Variants in MAPKBP1 observed in about 807,000 individuals in gnomAD.
MAPKBP1 encodes the protein mitogen-activated protein kinase-binding protein 1.
Under a neutral mutation model 170.5 loss-of-function variants are expected in MAPKBP1, and 71 were observed. That is an observed-to-expected ratio of 0.42 (90% CI 0.34 to 0.51). The LOEUF is 0.51. MAPKBP1 is among the 20% of genes least tolerant of loss of function. MAPKBP1 has a pLI of 0.06. For missense variants in MAPKBP1, 1,598 were observed against 1,933.0 expected (o/e 0.83, Z 3.25); for synonymous variants, 719 against 757.9 (o/e 0.95, Z 0.84).
intron 2 of MAPKBP1, among the ~76,000 whole-genome samples, chr15:41,790,889 C>A (rs752151926): frequency 2.0e-4 from 31 of 152,332 alleles, no homozygotes; most frequent in Non-Finnish European, 3.7e-4. Flanking sequence ...GGTCTGGTCA[C>A]TGGGTCCCTG....
At chr15:41,778,431 G>T (rs976541213) in intron 2 of MAPKBP1, among the ~76,000 whole-genome samples, 1 of 152,196 alleles carries the variant, frequency 6.6e-6, no homozygotes, top group Non-Finnish European at 1.5e-5. Flanking sequence ...TTAAAAATAT[G>T]GCTAAAAGCT....
Position 41,775,376 on chromosome 15 carries a change from AC to A in MAPKBP1, c.103del (p.Leu35SerfsTer5). On this transcript the variant is annotated frameshift_variant, in exon 2 of 31. Coordinates refer to ENST00000457542, the MANE Select transcript of MAPKBP1 (RefSeq NM_014994.3). LOFTEE classifies it high-confidence loss of function. ...RRSKAGNRRE[D>X]LSSKVTLEKV... ...AGTAAGGCAGGAAACCGACGAGAGG[AC>A]CTCAGCTCCAAGGTGAGTCCTGTTG... 6.2e-7 allele frequency: 1 copy of A among 1,613,874 alleles called. No homozygotes were observed. The highest frequency in any genetic ancestry group is 8.5e-7 in the Non-Finnish European group (1 of 1,179,794).
At chr15:41,802,314 G>C (rs1041662415) in intron 3 of MAPKBP1, among the ~76,000 whole-genome samples, 2 of 151,928 alleles carry the variant, frequency 1.3e-5, no homozygotes, top group African/African-American at 4.8e-5. Flanking sequence ...CTGTACACTT[G>C]GCCATACTAA....
rs764011225 is a variant in MAPKBP1 at position 41,818,957 on chromosome 15, G to T, written c.2291G>T (p.Arg764Leu). The change falls in exon 20 of 31, where the codon CGG (arginine) becomes CTG (leucine). Residue 764 changes from arginine (R) to leucine (L), a missense_variant and splice_region_variant. Transcript: ENST00000457542. The surrounding 1 kb of genome is among the most constrained non-coding windows in gnomAD (Gnocchi z 5.2). ...CCCCAAAGGGCTTCTGGACCCAACC[G>T]GTGAGAACAGAATGTGGGCAAGTGA... ...SSPQRASGPN[R>L]HQAPSMLSPG... 13 of 1,613,738 alleles carry T rather than the reference G, an allele frequency of 8.1e-6. No individual in the cohort carries two copies. The highest frequency in any genetic ancestry group is 1.1e-5 in the Non-Finnish European group (13 of 1,179,902).
At chr15:41,811,725 A>G in intron 5 of MAPKBP1, 1 of 681,796 alleles carries the variant, frequency 1.5e-6, no homozygotes, top group Non-Finnish European at 2.7e-6. Context: ...AACCTGAAGT[A>G]CAGACGGCCA....
intron 2 of MAPKBP1, among the ~76,000 whole-genome samples, chr15:41,792,430 T>C (rs934990507): frequency 6.6e-6 from 1 of 152,164 alleles, no homozygotes; most frequent in Non-Finnish European, 1.5e-5. Context: ...CAGGTTGGTA[T>C]ACGCTTTCTT....
chr15:41,823,255 C>A (rs1294681462), intron 28 of MAPKBP1, 33 bp downstream of exon 28: 1 of 1,602,356 alleles, frequency 6.2e-7, no homozygotes, highest in East Asian at 2.2e-5. Context: ...TGCCAGGGTG[C>A]AGGGTGTATG....
intron 2 of MAPKBP1, among the ~76,000 whole-genome samples, chr15:41,780,962 T>A (rs901771263): frequency 4.6e-5 from 7 of 152,206 alleles, no homozygotes; most frequent in Non-Finnish European, 1.0e-4. Flanking sequence ...TGAAGGACAC[T>A]TAACAGAAGA....
chr15:41,779,048 A>G (rs1372032518), intron 2 of MAPKBP1, among the ~76,000 whole-genome samples: 1 of 152,094 alleles, frequency 6.6e-6, no homozygotes, highest in Non-Finnish European at 1.5e-5. Flanking sequence ...TTGTTTCCCC[A>G]AGTTTTTTTC....
chr15:41,785,642 C>A (rs991052541), intron 2 of MAPKBP1, among the ~76,000 whole-genome samples: 3 of 151,872 alleles, frequency 2.0e-5, no homozygotes, highest in Admixed American at 2.0e-4. Flanking sequence ...GAAAATGTGA[C>A]GTGTGTTAAT....
In MAPKBP1 at chr15:41,774,776, C is replaced by G. The variant is rs551881411; in HGVS notation, c.-110+166C>G. The G allele has an allele frequency of 1.3e-4, 51 of 399,918 alleles. No individual in the cohort carries two copies. The East Asian group carries it at 1.8e-3, about 14-fold the overall frequency. 24.8% of individuals were successfully genotyped at this position (399,918 alleles called of 1,614,324 possible). A position where few individuals can be genotyped will look rare whatever the true frequency, so the allele number is the denominator to read the frequency against. On this transcript the variant is annotated intron_variant, in intron 1 of 30. Coordinates refer to ENST00000457542, the MANE Select transcript of MAPKBP1 (RefSeq NM_014994.3). ...GAACGAGTTGTGGGCTACGGCGAGC[C>G]CCGCCGCGTCCCCGCCGGCGCTAGC...
chr15:41,786,369 A>G (rs1018077343), intron 2 of MAPKBP1, among the ~76,000 whole-genome samples: 1 of 152,224 alleles, frequency 6.6e-6, no homozygotes, highest in African/African-American at 2.4e-5. Flanking sequence ...AAGTCTCTCC[A>G]ATTTAAACAT....
intron 3 of MAPKBP1, among the ~76,000 whole-genome samples, chr15:41,805,655 T>C (rs993640219): frequency 2.6e-5 from 4 of 152,216 alleles, no homozygotes; most frequent in African/African-American, 9.6e-5. Flanking sequence ...CATGTTAAAA[T>C]TGATTCTGAG....
chr15:41,786,817 T>G (rs1399089156), intron 2 of MAPKBP1, among the ~76,000 whole-genome samples: 1 of 129,970 alleles, frequency 7.7e-6, no homozygotes, highest in African/African-American at 3.3e-5. Flanking sequence ...TATAATAAGC[T>G]TTTTTTGTTT....
intron 2 of MAPKBP1, among the ~76,000 whole-genome samples, chr15:41,778,159 G>A (rs2064128405): frequency 6.6e-6 from 1 of 152,124 alleles, no homozygotes. Flanking sequence ...TGTAAGATAG[G>A]CAGTAAGTAC....
chr15:41,813,840 T>C, intron 9 of MAPKBP1, 59 bp downstream of exon 9: 1 of 1,510,752 alleles, frequency 6.6e-7, no homozygotes, highest in Non-Finnish European at 8.9e-7. Flanking sequence ...CAGTCTTTCT[T>C]GTCAGTGCCT....
chr15:41,803,570 C>G (rs1257311817), intron 3 of MAPKBP1, among the ~76,000 whole-genome samples: 1 of 151,734 alleles, frequency 6.6e-6, no homozygotes, highest in Non-Finnish European at 1.5e-5. Flanking sequence ...AAAAAATTAG[C>G]TGGGTATGGT....
chr15:41,824,699 G>A, intron 30 of MAPKBP1, 130 bp downstream of exon 30: 1 of 952,194 alleles, frequency 1.1e-6, no homozygotes, highest in Non-Finnish European at 1.6e-6. Context: ...AACATCTTGG[G>A]CAGCATAGGT....
At chr15:41,803,407 C>G (rs944186237) in intron 3 of MAPKBP1, among the ~76,000 whole-genome samples, 2 of 16,266 alleles carry the variant, frequency 1.2e-4, no homozygotes, top group Admixed American at 7.9e-4. Context: ...GAGCAAGACT[C>G]CATCTCAAAA....
Sources: gnomAD v4.1 joint callset for allele counts (sites outside exome capture counted in the v4.1 genomes callset) on GRCh38, gnomAD v4.1.1 for gene constraint, Gnocchi (gnomAD v3.1) non-coding constraint, MANE v1.5 for transcripts, NCBI Gene and HGNC (gene_info 2026-07-23, HGNC 2026-07-21) for gene names.